The following PNMT variants were observed in gnomAD, a reference collection of about 807,000 sequenced individuals.
PNMT encodes the protein phenylethanolamine N-methyltransferase, also known as noradrenaline N-methyltransferase.
In PNMT, 18 loss-of-function variants were observed where a neutral mutation model predicts 18.9. The ratio of observed to expected loss-of-function variants is 0.95; its 90% CI spans 0.66 to 1.41. The LOEUF (loss-of-function observed/expected upper bound fraction) is 1.41. PNMT is among the 40% of genes most tolerant of loss of function. The probability of loss-of-function intolerance (pLI) is 0.00; values close to 1 mark genes in which losing one functional copy is unlikely to be tolerated. For synonymous variants in PNMT, 167 were observed against 168.6 expected (o/e 0.99, Z 0.08); for missense variants, 378 against 387.0 (o/e 0.98, Z 0.20).
Position 39,670,056 on chromosome 17 carries a change from C to A in PNMT, c.516C>A (p.Pro172=), listed in dbSNP as rs770087879. ...CCCTGGGTGCTGGGAGCCCAGCTCC[C>A]CTGCCTGCTGACGCCCTGGTCTCTG... ...PQPLGAGSPA[P]LPADALVSAF... Residue 172 remains proline, a synonymous_variant, in exon 3 of 3, where the codon CCC becomes CCA. Coordinates refer to ENST00000269582, the MANE Select transcript of PNMT (RefSeq NM_002686.4). The A allele has an allele frequency of 1.2e-6, 2 of 1,607,428 alleles. No individual in the cohort carries two copies. The highest frequency in any genetic ancestry group is 8.5e-7 in the Non-Finnish European group (1 of 1,179,974).
upstream of PNMT, chr17:39,668,066 A>T: frequency 1.8e-5 from 3 of 170,022 alleles, no homozygotes; most frequent in Non-Finnish European, 3.6e-5. Context: ...TGCTGGGCAA[A>T]AGAGGTGAAT....
At chr17:39,668,397 G>A, upstream of PNMT, 1 of 1,221,686 alleles carries the variant, frequency 8.2e-7, no homozygotes, top group Non-Finnish European at 1.1e-6. Context: ...CCCCACAGCG[G>A]ACCGGTCGGG....
Position 39,668,663 on chromosome 17 carries a change from A to G in PNMT, c.188A>G (p.Gln63Arg). The G allele has an allele frequency of 6.3e-7, 1 of 1,582,416 alleles. No homozygotes were observed. Among genetic ancestry groups the G allele is most frequent in the South Asian group, 1.1e-5 (1 of 87,778 alleles). Residue 63 changes from glutamine to arginine, a missense_variant, in exon 1 of 3, where the codon CAG becomes CGG. Physicochemically the swap from Gln to Arg is conservative, Grantham distance 43. Coordinates refer to ENST00000269582, the MANE Select transcript of PNMT (RefSeq NM_002686.4). Reference sequence around the variant, plus strand: ...CCGTGGAAGCTGCGCTGCTTGGCGCAGACCTTCGCCACCGGTGAGCGGGGG... The same window carrying G: ...CCGTGGAAGCTGCGCTGCTTGGCGCGGACCTTCGCCACCGGTGAGCGGGGG... ...VGPWKLRCLAQTFATGEVSGR... is the reference protein window; with the variant it reads ...VGPWKLRCLARTFATGEVSGR...
Position 39,668,485 on chromosome 17 carries a change from G to A in PNMT, c.10G>A (p.Ala4Thr), listed in dbSNP as rs1443705115. The A allele has an allele frequency of 2.0e-6, 3 of 1,497,572 alleles. No homozygotes were observed. The highest frequency in any genetic ancestry group is 2.1e-5 in the Admixed American group (1 of 46,858). The allele number at this position is 1,497,572 out of a possible 1,614,324, so 92.8% of individuals were successfully genotyped here. MSG[A>T]DRSPNAGAAP... ...GGACCGCGGCGGCAGCATGAGCGGCGCAGACCGTAGCCCCAATGCGGGCGC... is the reference window on the plus strand; with the variant it reads ...GGACCGCGGCGGCAGCATGAGCGGCACAGACCGTAGCCCCAATGCGGGCGC... The change falls in exon 1 of 3, where the codon GCA (alanine) becomes ACA (threonine). Residue 4 changes from alanine (A) to threonine (T), a missense_variant. Transcript: ENST00000269582.
chr17:39,670,259 G>C lies in PNMT; in HGVS notation c.719G>C (p.Arg240Thr), dbSNP rs368193954. 1.7e-4 allele frequency: 266 copies of C among 1,609,200 alleles called. No homozygotes were observed. The highest frequency in any genetic ancestry group is 2.0e-4 in the Non-Finnish European group (240 of 1,178,540). ...GTGCCAGTGTCTGAGGAGGAGGTGA[G>C]GGAGGCCCTGGTGCGTAGTGGCTAC... ...TVVPVSEEEV[R>T]EALVRSGYKV... The change falls in exon 3 of 3, where the codon AGG (arginine) becomes ACG (threonine). Residue 240 changes from arginine (R) to threonine (T), a missense_variant. Transcript: ENST00000269582.
In PNMT at chr17:39,670,108, G is replaced by C; in HGVS notation, c.568G>C (p.Asp190His). The C allele has an allele frequency of 6.2e-7, 1 of 1,610,802 alleles. No homozygotes were observed. Among genetic ancestry groups the C allele is most frequent in the South Asian group, 1.1e-5 (1 of 91,076 alleles). The change falls in exon 3 of 3, where the codon GAT becomes CAT. Residue 190 changes from aspartate (D) to histidine (H), a missense_variant. Physicochemically the swap from Asp to His is moderately conservative, Grantham distance 81 (BLOSUM62 -1). Transcript: ENST00000269582. Reference protein sequence around the residue: ...SAFCLEAVSPDLASFQRALDH... With the variant: ...SAFCLEAVSPHLASFQRALDH... ...CTTCTGCTTGGAGGCTGTGAGCCCA[G>C]ATCTTGCCAGCTTTCAGCGGGCCCT... is the stretch of plus-strand genomic sequence containing the variant.
rs778535767 is a variant in PNMT at position 39,669,807 on chromosome 17, C to T, written c.381C>T (p.Ser127=). Residue 127 remains serine, a synonymous_variant, in exon 2 of 3, where the codon AGC becomes AGT. Coordinates refer to ENST00000269582, the MANE Select transcript of PNMT (RefSeq NM_002686.4). ...GGGCCTTCAACTGGAGCATGTACAG[C>T]CAACATGCCTGCCTCATTGAGGGCA... is the stretch of plus-strand genomic sequence containing the variant. ...EPGAFNWSMY[S]QHACLIEGKG... 9 of 1,613,956 alleles carry T rather than the reference C, an allele frequency of 5.6e-6. No individual in the cohort carries two copies. Among genetic ancestry groups the T allele is most frequent in the Non-Finnish European group, 7.6e-6 (9 of 1,179,858 alleles).
Position 39,668,635 on chromosome 17 carries a change from G to T in PNMT, c.160G>T (p.Gly54Trp). ...GGACCTGTGCAACCCGAACGGCGTC[G>T]GGCCGTGGAAGCTGCGCTGCTTGGC... Reference protein sequence around the residue: ...RGDLCNPNGVGPWKLRCLAQT... With the variant: ...RGDLCNPNGVWPWKLRCLAQT... Residue 54 changes from glycine (G) to tryptophan (W), a missense_variant, in exon 1 of 3, where the codon GGG becomes TGG. Coordinates refer to ENST00000269582, the MANE Select transcript of PNMT (RefSeq NM_002686.4). 1 of 1,602,658 alleles carries T rather than the reference G, an allele frequency of 6.2e-7. No homozygotes were observed. The highest frequency in any genetic ancestry group is 8.5e-7 in the Non-Finnish European group (1 of 1,176,144).
chr17:39,670,083 CT>C lies in PNMT; in HGVS notation c.545del (p.Phe182SerfsTer6). 6.2e-7 allele frequency: 1 copy of C among 1,609,014 alleles called. No homozygotes were observed. ...TGCCTGCTGACGCCCTGGTCTCTGCCTTCTGCTTGGAGGCTGTGAGCCCAGA... is the reference window on the plus strand; with the variant it reads ...TGCCTGCTGACGCCCTGGTCTCTGCCTCTGCTTGGAGGCTGTGAGCCCAGA... Reference protein sequence around the residue: ...PLPADALVSAFCLEAVSPDLA... With the variant: ...PLPADALVSAXCLEAVSPDLA... On this transcript the variant is annotated frameshift_variant, in exon 3 of 3. Coordinates refer to ENST00000269582, the MANE Select transcript of PNMT (RefSeq NM_002686.4). LOFTEE classifies it high-confidence loss of function.
chr17:39,669,035 TTTTC>T (rs1421065171), intron 1 of PNMT, among the ~76,000 whole-genome samples: 3 of 152,054 alleles, frequency 2.0e-5, no homozygotes, highest in African/African-American at 4.8e-5. Flanking sequence ...GGTATAGTTG[TTTTC>T]TTTCTTTTTC....
Position 39,668,464 on chromosome 17 carries a change from C to G in PNMT, c.-12C>G. 7.2e-7 allele frequency: 1 copy of G among 1,397,104 alleles called. No homozygotes were observed. The allele number at this position is 1,397,104 out of a possible 1,614,324, so 86.5% of individuals were successfully genotyped here. A position where few individuals can be genotyped will look rare whatever the true frequency, so the allele number is the denominator to read the frequency against. On this transcript the variant is annotated 5_prime_UTR_variant, in exon 1 of 3. Transcript: ENST00000269582. ...GAGGCGAGCGGGGCACTGGGCGGACCGCGGCGGCAGCATGAGCGGCGCAGA... is the reference window on the plus strand; with the variant it reads ...GAGGCGAGCGGGGCACTGGGCGGACGGCGGCGGCAGCATGAGCGGCGCAGA...
rs767980118 is a variant in PNMT at position 39,669,644 on chromosome 17, G to A, written c.218G>A (p.Arg73His). The A allele has an allele frequency of 1.2e-5, 20 of 1,613,840 alleles. No homozygotes were observed. Among genetic ancestry groups the A allele is most frequent in the South Asian group, 5.5e-5 (5 of 91,080 alleles). Residue 73 changes from arginine (R) to histidine (H), a missense_variant, in exon 2 of 3, where the codon CGC (arginine) becomes CAC (histidine). Physicochemically the swap from Arg to His is conservative, Grantham distance 29 (BLOSUM62 0). Transcript: ENST00000269582. ...QTFATGEVSG[R>H]TLIDIGSGPT... Reference sequence around the variant, plus strand: ...CCCTGCCCAGGTGAAGTGTCCGGACGCACCCTCATCGACATTGGTTCAGGC... The same window carrying A: ...CCCTGCCCAGGTGAAGTGTCCGGACACACCCTCATCGACATTGGTTCAGGC...
Position 39,668,613 on chromosome 17 carries a change from C to T in PNMT, c.138C>T (p.Asp46=). The part of the protein sequence containing the change: ...LRNNYAPPRG[D]LCNPNGVGPW... ...ACAACTACGCGCCCCCTCGCGGGGA[C>T]CTGTGCAACCCGAACGGCGTCGGGC... The change falls in exon 1 of 3, where the codon GAC becomes GAT. Residue 46 remains aspartate (D), a synonymous_variant. Coordinates refer to ENST00000269582, the MANE Select transcript of PNMT (RefSeq NM_002686.4). The T allele has an allele frequency of 1.2e-6, 2 of 1,606,398 alleles. No homozygotes were observed. Among genetic ancestry groups the T allele is most frequent in the East Asian group, 2.2e-5 (1 of 44,710 alleles).
In PNMT at chr17:39,668,508, C is replaced by T; in HGVS notation, c.33C>T (p.Gly11=). 6.5e-7 allele frequency: 1 copy of T among 1,529,290 alleles called. No homozygotes were observed. 94.7% of individuals were successfully genotyped at this position (1,529,290 alleles called of 1,614,324 possible). Residue 11 remains glycine (G), a synonymous_variant, in exon 1 of 3, where the codon GGC becomes GGT. Coordinates refer to ENST00000269582, the MANE Select transcript of PNMT (RefSeq NM_002686.4). ...GCGCAGACCGTAGCCCCAATGCGGG[C>T]GCAGCCCCTGACTCGGCCCCGGGCC... MSGADRSPNA[G]AAPDSAPGQA... is the part of the protein sequence containing the mutation.
chr17:39,669,414 T>C (rs1365753126), intron 1 of PNMT, among the ~76,000 whole-genome samples: 2 of 151,980 alleles, frequency 1.3e-5, no homozygotes, highest in African/African-American at 4.8e-5. Context: ...GAAACCTGAG[T>C]CTCAGAGCGG....
chr17:39,668,423 T>G (rs938238195), upstream of PNMT: 1 of 1,314,938 alleles, frequency 7.6e-7, no homozygotes, highest in Non-Finnish European at 9.7e-7. Context: ...GGTCGGGCGG[T>G]AGAAAAAAGG....
chr17:39,668,703 G>A lies in PNMT; in HGVS notation c.202+26G>A, dbSNP rs762231229. The A allele has an allele frequency of 1.2e-5, 18 of 1,534,870 alleles. No individual in the cohort carries two copies. The South Asian group carries it at 2.0e-4, about 17-fold the overall frequency. ...GTGAGCGGGGGAAACTGAGGCACGA[G>A]GGACAAGAGGTCGTCGGGGAGTGAA... On this transcript the variant is annotated intron_variant, in intron 1 of 2. Coordinates refer to ENST00000269582, the MANE Select transcript of PNMT (RefSeq NM_002686.4).
In PNMT at chr17:39,669,619, C is replaced by A. The variant is rs745511887; in HGVS notation, c.203-10C>A. On this transcript the variant is annotated splice_polypyrimidine_tract_variant and intron_variant, in intron 1 of 2. Transcript: ENST00000269582. ...CTGGCACCAGGACCCTCTTCCTCTGCCCTGCCCAGGTGAAGTGTCCGGACG... is the reference window on the plus strand; with the variant it reads ...CTGGCACCAGGACCCTCTTCCTCTGACCTGCCCAGGTGAAGTGTCCGGACG... 1.1e-5 allele frequency: 18 copies of A among 1,612,294 alleles called. No homozygotes were observed. Among genetic ancestry groups the A allele is most frequent in the Non-Finnish European group, 1.5e-5 (18 of 1,178,526 alleles).
At position 39,670,128 on chromosome 17, in the gene PNMT, GGCCCTGGAC is replaced by G; in HGVS notation, c.589_597del (p.Ala197_Asp199del). 1 of 1,611,434 alleles carries G rather than the reference GGCCCTGGAC, an allele frequency of 6.2e-7. No homozygotes were observed. The highest frequency in any genetic ancestry group is 8.5e-7 in the Non-Finnish European group (1 of 1,179,978). ...GCCCAGATCTTGCCAGCTTTCAGCG[GGCCCTGGAC>G]CACATCACCACGCTGCTGAGGCCTG... On this transcript the variant is annotated inframe_deletion, in exon 3 of 3. Coordinates refer to ENST00000269582, the MANE Select transcript of PNMT (RefSeq NM_002686.4).
Sources: gnomAD v4.1 joint callset for allele counts (sites outside exome capture counted in the v4.1 genomes callset) on GRCh38, gnomAD v4.1.1 for gene constraint, MANE v1.5 for transcripts, NCBI Gene and HGNC (gene_info 2026-07-23, HGNC 2026-07-21) for gene names.